HVCN1: variants seen among roughly 807,000 people sequenced by gnomAD.
HVCN1 encodes the protein voltage-gated hydrogen channel 1.
A neutral mutation model predicts 29.2 loss-of-function variants in HVCN1; 14 were observed. The observed-to-expected ratio is 0.48, with a 90% CI of 0.32 to 0.75. The LOEUF is 0.75. Ranked by LOEUF, HVCN1 falls within the 30% of genes least tolerant of loss-of-function variation. HVCN1 has a pLI of 0.04. For missense variants in HVCN1, 263 were observed against 341.8 expected, an observed-to-expected ratio of 0.77 and a Z score of 1.82; for synonymous variants, 131 against 133.2, an observed-to-expected ratio of 0.98 and a Z score of 0.11.
upstream of HVCN1, among the ~76,000 whole-genome samples, chr12:110,690,534 TG>T (rs2069380782): frequency 6.6e-6 from 1 of 152,186 alleles, no homozygotes; most frequent in Non-Finnish European, 1.5e-5. Context: ...TGGAGTGCAG[TG>T]GTGCGATCTT....
intron 4 of HVCN1, among the ~76,000 whole-genome samples, chr12:110,659,927 G>A (rs1272787542): frequency 1.3e-5 from 2 of 151,902 alleles, no homozygotes; most frequent in East Asian, 3.9e-4. Context: ...TTAGCCAGGT[G>A]TGGTGGCAGG....
chr12:110,699,791 G>A (rs542528538), intron 2 of HVCN1, among the ~76,000 whole-genome samples: 46 of 152,230 alleles, frequency 3.0e-4, no homozygotes, highest in African/African-American at 1.1e-3. Flanking sequence ...TAGGCCCTCC[G>A]ATGAGTTAGG....
chr12:110,683,183 C>CT, intron 3 of HVCN1, 42 bp downstream of exon 3: 1 of 1,613,644 alleles, frequency 6.2e-7, no homozygotes, highest in Non-Finnish European at 8.5e-7. Flanking sequence ...CCTCTCAAGG[C>CT]TGGGATATCC....
chr12:110,685,106 G>C (rs1008150596), intron 2 of HVCN1, among the ~76,000 whole-genome samples: 1 of 152,154 alleles, frequency 6.6e-6, no homozygotes, highest in Admixed American at 6.5e-5. Context: ...ACATGATTAA[G>C]TTGCAGCTCT....
chr12:110,692,490 C>A (rs916577971), upstream of HVCN1, among the ~76,000 whole-genome samples: 1 of 152,060 alleles, frequency 6.6e-6, no homozygotes, highest in East Asian at 1.9e-4. Context: ...GAGGCTGAGG[C>A]GGGAGGACTG....
At chr12:110,696,266 T>C (rs1268677956) in intron 2 of HVCN1, among the ~76,000 whole-genome samples, 2 of 152,066 alleles carry the variant, frequency 1.3e-5, no homozygotes, top group African/African-American at 2.4e-5. Context: ...GACCATTTGA[T>C]TTTTTACAAA....
intron 2 of HVCN1, among the ~76,000 whole-genome samples, chr12:110,684,838 G>A (rs928296394): frequency 1.3e-5 from 2 of 152,182 alleles, no homozygotes; most frequent in African/African-American, 4.8e-5. Flanking sequence ...ATCCTTCCCA[G>A]AAGTGGTCGC....
In HVCN1 at chr12:110,650,273, G is replaced by GAT; in HGVS notation, c.649_650dup (p.Ile218SerfsTer13). The GAT allele has an allele frequency of 6.9e-6, 11 of 1,600,804 alleles. No individual in the cohort carries two copies. The highest frequency in any genetic ancestry group is 9.4e-6 in the Non-Finnish European group (11 of 1,168,102). ...GTTCTGAACGTGTCTTAACTGAGAT[G>GAT]ATAATCCCTGAAATAAAATTGGGGG... is the stretch of plus-strand genomic sequence containing the variant. On this transcript the variant is annotated frameshift_variant, in exon 7 of 8. Coordinates refer to ENST00000242607, the MANE Select transcript of HVCN1 (RefSeq NM_032369.4). LOFTEE classifies it high-confidence loss of function.
rs1456883313 is a variant in HVCN1 at position 110,649,161 on chromosome 12, A to G, written c.*249T>C. On this transcript the variant is annotated 3_prime_UTR_variant, in exon 8 of 8. Transcript: ENST00000242607. ...CAGCTTTGTTGCTCATTTTCAATTA[A>G]GGCTAAAGTGTTCAACATGAGAAAA... is the stretch of plus-strand genomic sequence containing the variant. 2 of 680,178 alleles carry G rather than the reference A, an allele frequency of 2.9e-6. No homozygotes were observed. Among genetic ancestry groups the G allele is most frequent in the South Asian group, 3.1e-5 (2 of 63,556 alleles). The allele number at this position is 680,178 out of a possible 1,614,324, so 42.1% of individuals were successfully genotyped here. A position where few individuals can be genotyped will look rare whatever the true frequency, so the allele number is the denominator to read the frequency against.
intron 3 of HVCN1, among the ~76,000 whole-genome samples, chr12:110,677,425 ATCT>A (rs1337704517): frequency 1.3e-5 from 2 of 152,012 alleles, no homozygotes; most frequent in African/African-American, 4.8e-5. Flanking sequence ...CCTGTCCTCT[ATCT>A]TCTTCTTCAT....
intron 7 of HVCN1, 84 bp downstream of exon 7, chr12:110,650,084 C>T: frequency 1.2e-6 from 1 of 848,268 alleles, no homozygotes; most frequent in Non-Finnish European, 2.0e-6. Context: ...ACCTCAGGTG[C>T]TCCACCTGCC....
At chr12:110,696,129 T>C (rs1382297761) in intron 2 of HVCN1, among the ~76,000 whole-genome samples, 1 of 151,714 alleles carries the variant, frequency 6.6e-6, no homozygotes, top group Non-Finnish European at 1.5e-5. Context: ...ATTTTTTTTT[T>C]TTTCAGTTGA....
At chr12:110,701,237 G>A (rs1172575429) in intron 2 of HVCN1, among the ~76,000 whole-genome samples, 2 of 152,214 alleles carry the variant, frequency 1.3e-5, no homozygotes, top group African/African-American at 2.4e-5. Context: ...TGGAGGTAGA[G>A]CGCTCCAGCC....
intron 3 of HVCN1, among the ~76,000 whole-genome samples, chr12:110,680,521 A>G (rs1011971980): frequency 2.0e-5 from 3 of 152,204 alleles, no homozygotes; most frequent in African/African-American, 7.2e-5. Flanking sequence ...GGAACAAAAG[A>G]AAGGGAAATA....
At chr12:110,683,406 A>C in intron 2 of HVCN1, 142 bp from the exon 3 acceptor site, 2 of 971,772 alleles carry the variant, frequency 2.1e-6, no homozygotes, top group Non-Finnish European at 2.9e-6. Context: ...AGTACAAAGT[A>C]TATGTAGGAG....
At chr12:110,701,684 C>T (rs978755354) in intron 2 of HVCN1, among the ~76,000 whole-genome samples, 1 of 151,890 alleles carries the variant, frequency 6.6e-6, no homozygotes, top group African/African-American at 2.4e-5. Flanking sequence ...TGGTGAAACC[C>T]CATCTCTACT....
chr12:110,699,588 G>T (rs908570105), intron 2 of HVCN1, among the ~76,000 whole-genome samples: 8 of 152,104 alleles, frequency 5.3e-5, no homozygotes, highest in Non-Finnish European at 1.2e-4. Context: ...TCTGGTAAGG[G>T]ACACACTCGA....
chr12:110,687,321 G>A (rs1277072443), intron 2 of HVCN1, among the ~76,000 whole-genome samples: 2 of 151,938 alleles, frequency 1.3e-5, no homozygotes, highest in Non-Finnish European at 2.9e-5. Context: ...GGGAGCAGGC[G>A]GGGTCTCCTT....
intron 3 of HVCN1, among the ~76,000 whole-genome samples, chr12:110,675,815 A>G (rs1468898494): frequency 1.3e-5 from 2 of 152,146 alleles, no homozygotes; most frequent in African/African-American, 2.4e-5. Flanking sequence ...AGGCTGAGGC[A>G]TGAGAATCAC....
Sources: allele counts gnomAD v4.1 joint callset (sites outside exome capture counted in the v4.1 genomes callset), GRCh38; gene constraint gnomAD v4.1.1; transcripts MANE v1.5; gene names NCBI Gene and HGNC (gene_info 2026-07-23, HGNC 2026-07-21).